Variants in CALHM4 observed in about 807,000 individuals in gnomAD.
The protein encoded by CALHM4 is calcium homeostasis modulator protein 4.
CALHM4 carries 16 observed loss-of-function variants against 13.3 expected under a neutral mutation model. The observed-to-expected ratio is 1.20, with a 90% CI of 0.81 to 1.82. The LOEUF (loss-of-function observed/expected upper bound fraction) is 1.82, where lower values mean the gene tolerates loss of function less well. Ranked by LOEUF, CALHM4 falls within the 40% of genes most tolerant of loss-of-function variation. The pLI, the probability that CALHM4 is intolerant of heterozygous loss-of-function variation, is 0.00. For synonymous variants in CALHM4, 127 were observed against 137.1 expected, an observed-to-expected ratio of 0.93 and a Z score of 0.52; for missense variants, 344 against 374.9, an observed-to-expected ratio of 0.92 and a Z score of 0.68.
intron 1 of CALHM4, among the ~76,000 whole-genome samples, chr6:116,556,650 A>G (rs143235016): frequency 9.5e-4 from 145 of 152,326 alleles, no homozygotes; most frequent in African/African-American, 3.2e-3. Context: ...TAGCGTCCCT[A>G]AATATGTGGA....
At chr6:116,531,906 T>A (rs1349740415) in intron 1 of CALHM4, among the ~76,000 whole-genome samples, 1 of 150,142 alleles carries the variant, frequency 6.7e-6, no homozygotes, top group Non-Finnish European at 1.5e-5. Context: ...TAAAATATAA[T>A]ATAATAAACA....
upstream of CALHM4, among the ~76,000 whole-genome samples, chr6:116,552,138 G>A (rs1418174982): frequency 6.6e-6 from 1 of 152,014 alleles, no homozygotes; most frequent in Non-Finnish European, 1.5e-5. Flanking sequence ...GCCTTGATGT[G>A]TCTTTATTTT....
At chr6:116,532,837 A>G (rs1391372682) in intron 1 of CALHM4, among the ~76,000 whole-genome samples, 1 of 152,248 alleles carries the variant, frequency 6.6e-6, no homozygotes, top group Non-Finnish European at 1.5e-5. Context: ...TAGGTTAAGT[A>G]AGGTTAATCA....
At chr6:116,538,985 C>T (rs564963818) in intron 1 of CALHM4, among the ~76,000 whole-genome samples, 53 of 152,178 alleles carry the variant, frequency 3.5e-4, no homozygotes, top group Non-Finnish European at 7.1e-4. Context: ...GTGATTTGCC[C>T]ACACTAAGCT....
chr6:116,558,174 A>T lies in CALHM4; in HGVS notation c.908A>T (p.Glu303Val). The change falls in exon 2 of 2, where the codon GAG (glutamate) becomes GTG (valine). Residue 303 changes from glutamate to valine, a missense_variant. Physicochemically the swap from Glu to Val is moderately radical, Grantham distance 121. Transcript: ENST00000368596. ...FLGNRVDEDN[E>V]EDRSRGIELK... The stretch of plus-strand genomic sequence containing the variant: ...GGAAATAGGGTGGATGAGGATAATG[A>T]GGAAGACAGATCAAGAGGTATTGAA... 2 of 1,613,902 alleles carry T rather than the reference A, an allele frequency of 1.2e-6. No individual in the cohort carries two copies. The highest frequency in any genetic ancestry group is 1.7e-6 in the Non-Finnish European group (2 of 1,180,000).
intron 2 of CALHM4, among the ~76,000 whole-genome samples, chr6:116,547,102 A>G (rs1053379629): frequency 2.0e-5 from 3 of 152,178 alleles, no homozygotes; most frequent in African/African-American, 7.2e-5. Context: ...ATTTGGGCTA[A>G]TTTTGATGAT....
At position 116,554,028 on chromosome 6, in the gene CALHM4, G is replaced by A. The variant is rs771150856; in HGVS notation, c.235G>A (p.Gly79Ser). The A allele has an allele frequency of 3.2e-6, 5 of 1,550,504 alleles. No homozygotes were observed. The highest frequency in any genetic ancestry group is 2.0e-5 in the Admixed American group (1 of 50,976). ...ALRSQMWTIT[G>S]EYCCSCAPPY... is the part of the protein sequence containing the mutation. ...GAGAAGCCAAATGTGGACAATTACC[G>A]GTGAATACTGCTGCAGCTGTGCCCC... Residue 79 changes from glycine to serine, a missense_variant, in exon 1 of 2, where the codon GGT becomes AGT. Gly to Ser is a moderately conservative substitution (Grantham distance 56, BLOSUM62 0). Transcript: ENST00000368596.
chr6:116,535,508 C>T (rs1032816671), intron 1 of CALHM4, among the ~76,000 whole-genome samples: 6 of 152,240 alleles, frequency 3.9e-5, no homozygotes, highest in African/African-American at 7.2e-5. Flanking sequence ...CTCCTAATAA[C>T]GAAACTATTT....
chr6:116,557,180 C>T (rs893843317), intron 1 of CALHM4, among the ~76,000 whole-genome samples: 5 of 151,968 alleles, frequency 3.3e-5, no homozygotes, highest in Admixed American at 2.0e-4. Context: ...TCAAGTGATC[C>T]GCCTGCCTGA....
upstream of CALHM4, chr6:116,553,655 A>G (rs1269092377): frequency 1.3e-6 from 1 of 775,258 alleles, no homozygotes; most frequent in African/African-American, 1.8e-5. Context: ...GAAAGATGCT[A>G]GAATCCTTTA....
rs1027127251 is a variant in CALHM4, at chr6:116,553,789, C to T, written c.-5C>T. 4 of 1,547,012 alleles carry T rather than the reference C, an allele frequency of 2.6e-6. No homozygotes were observed. The South Asian group carries it at 4.8e-5, about 18-fold the overall frequency. On this transcript the variant is annotated 5_prime_UTR_variant, in exon 1 of 2. Transcript: ENST00000368596. ...ACAAGCTGATTTGTGTAACAGCTTC[C>T]CAAGATGTGCCCAACTCTCAACAAT...
At chr6:116,549,980 T>TTATATA (rs10544532), upstream of CALHM4, among the ~76,000 whole-genome samples, 47 of 81,996 alleles carry the variant, frequency 5.7e-4, no homozygotes, top group African/African-American at 2.1e-3. Flanking sequence ...CCATCTTAAA[T>TTATATA]TATATATATA....
intron 1 of CALHM4, among the ~76,000 whole-genome samples, chr6:116,537,155 G>A (rs77067661): frequency 0.01 from 1,541 of 152,296 alleles, 37 homozygotes; most frequent in African/African-American, 0.034. Flanking sequence ...CTAGAGAAGG[G>A]TGAAGGTGAT....
At chr6:116,532,367 G>C (rs1409037013) in intron 1 of CALHM4, among the ~76,000 whole-genome samples, 1 of 152,194 alleles carries the variant, frequency 6.6e-6, no homozygotes, top group Non-Finnish European at 1.5e-5. Flanking sequence ...CTCCCTGAGA[G>C]AGGGAATTAC....
At chr6:116,552,163 G>T (rs186580251), upstream of CALHM4, among the ~76,000 whole-genome samples, 193 of 152,264 alleles carry the variant, frequency 1.3e-3, no homozygotes, top group African/African-American at 4.1e-3. Flanking sequence ...TATCTTGAAT[G>T]ATAGTTTGGC....
At chr6:116,549,279 C>G (rs1250630914), upstream of CALHM4, among the ~76,000 whole-genome samples, 1 of 152,142 alleles carries the variant, frequency 6.6e-6, no homozygotes, top group African/African-American at 2.4e-5. Context: ...GAGTGAGACT[C>G]CGTCTCAAAA....
At chr6:116,545,472 C>A in intron 2 of CALHM4, 1 of 1,543,422 alleles carries the variant, frequency 6.5e-7, no homozygotes. Context: ...AAAGATCTTA[C>A]TATTTTATGG....
Position 116,560,659 on chromosome 6 carries a change from G to C in CALHM4, c.*2448G>C, listed in dbSNP as rs1437963823. Among the ~76,000 whole-genome samples the C allele has an allele frequency of 6.8e-6, 1 of 146,586 alleles. No individual in the cohort carries two copies. The highest frequency in any genetic ancestry group is 1.5e-5 in the Non-Finnish European group (1 of 66,726). On this transcript the variant is annotated 3_prime_UTR_variant, in exon 2 of 2. Coordinates refer to ENST00000368596, the MANE Select transcript of CALHM4 (RefSeq NM_001366078.2). ...GGAATTTTTAGTATTTTGGGGGGGG[G>C]GGGGGCTATGGTCTATAGCATTTTT...
chr6:116,558,505 T>G lies in CALHM4; in HGVS notation c.*294T>G. The stretch of plus-strand genomic sequence containing the variant: ...CTGTGTGAAAATTAATATTTCTGAG[T>G]GCCATTTTGTCATCTGCACATTGTA... On this transcript the variant is annotated 3_prime_UTR_variant, in exon 2 of 2. Coordinates refer to ENST00000368596, the MANE Select transcript of CALHM4 (RefSeq NM_001366078.2). 1 of 313,580 alleles carries G rather than the reference T, an allele frequency of 3.2e-6. No individual in the cohort carries two copies. Among genetic ancestry groups the G allele is most frequent in the African/African-American group, 2.1e-5 (1 of 46,716 alleles). The allele number at this position is 313,580 out of a possible 1,614,324, so 19.4% of individuals were successfully genotyped here.
Sources: gnomAD v4.1 joint callset for allele counts (sites outside exome capture counted in the v4.1 genomes callset) on GRCh38, gnomAD v4.1.1 for gene constraint, MANE v1.5 for transcripts, NCBI Gene and HGNC (gene_info 2026-07-23, HGNC 2026-07-21) for gene names.